Variants in NKAIN2 observed in about 807,000 individuals in gnomAD.
The protein encoded by NKAIN2 is sodium/potassium transporting ATPase interacting 2, also known as sodium/potassium-transporting ATPase subunit beta-1-interacting protein 2.
A neutral mutation model predicts 32.6 loss-of-function variants in NKAIN2; 14 were observed. The ratio of observed to expected loss-of-function variants is 0.43; its 90% CI spans 0.28 to 0.67. NKAIN2 has a LOEUF of 0.67. NKAIN2 is among the 30% of genes least tolerant of loss of function. The pLI, the probability that NKAIN2 is intolerant of heterozygous loss-of-function variation, is 0.17. For missense variants in NKAIN2, 198 were observed against 258.3 expected (o/e 0.77, Z 1.60); for synonymous variants, 80 against 87.2 (o/e 0.92, Z 0.46).
At chr6:124,736,136 A>G (rs1776925985) in intron 4 of NKAIN2, among the ~76,000 whole-genome samples, 1 of 151,942 alleles carries the variant, frequency 6.6e-6, no homozygotes, top group Admixed American at 6.6e-5. Context: ...CATATAAATG[A>G]TAAGAAAGAG....
chr6:123,912,718 T>C (rs1775280684), intron 1 of NKAIN2, among the ~76,000 whole-genome samples: 1 of 152,158 alleles, frequency 6.6e-6, no homozygotes, highest in African/African-American at 2.4e-5. Flanking sequence ...CCTGAGGCCC[T>C]CACCAGAAGT....
chr6:123,843,990 G>C (rs1438241776), intron 1 of NKAIN2, among the ~76,000 whole-genome samples: 1 of 152,160 alleles, frequency 6.6e-6, no homozygotes, highest in Non-Finnish European at 1.5e-5. Context: ...GGGGATTAAT[G>C]ACAAAATGAC....
At chr6:124,317,628 A>G (rs1797016787) in intron 2 of NKAIN2, among the ~76,000 whole-genome samples, 1 of 151,992 alleles carries the variant, frequency 6.6e-6, no homozygotes, top group Non-Finnish European at 1.5e-5. Context: ...TCATTAACTT[A>G]TATACTATTT....
At chr6:124,712,295 G>A (rs563333407) in intron 4 of NKAIN2, among the ~76,000 whole-genome samples, 2 of 124,770 alleles carry the variant, frequency 1.6e-5, no homozygotes, top group South Asian at 5.0e-4. Flanking sequence ...TGCCCCCAGA[G>A]GTGGAGCCTA....
chr6:123,899,843 C>CCT (rs1403306915), intron 1 of NKAIN2, among the ~76,000 whole-genome samples: 2 of 152,164 alleles, frequency 1.3e-5, no homozygotes, highest in Non-Finnish European at 2.9e-5. Context: ...AGGGTGCAGC[C>CCT]CTAGCCTCTG....
rs144893309 is a variant in NKAIN2 at position 124,563,169 on chromosome 6, G to A, written c.274-95017G>A. On this transcript the variant is annotated intron_variant, in intron 3 of 6. Coordinates refer to ENST00000368417, the MANE Select transcript of NKAIN2 (RefSeq NM_001040214.3). ...TCTGCCCCCCTTGGCCTCCCAATGT[G>A]CTGGGATTACAGGCGTGAGCCACTG... 8.7e-3 allele frequency among the ~76,000 whole-genome samples: 1,327 copies of A among 152,160 alleles called. 27 individuals are homozygous for A. Among genetic ancestry groups the A allele is most frequent in the African/African-American group, 0.031 (1,286 of 41,520 alleles).
At chr6:124,503,134 A>C (rs1778357407) in intron 3 of NKAIN2, among the ~76,000 whole-genome samples, 1 of 152,162 alleles carries the variant, frequency 6.6e-6, no homozygotes, top group Admixed American at 6.5e-5. Flanking sequence ...TTCTACACAT[A>C]AATGCTGCAC....
At position 124,167,810 on chromosome 6, in the gene NKAIN2, CT is replaced by C. The variant is rs1001437547; in HGVS notation, c.55-115194del. Among the ~76,000 whole-genome samples the C allele has an allele frequency of 5.8e-4, 88 of 152,208 alleles. 1 individual carries two copies. Among genetic ancestry groups the C allele is most frequent in the Middle Eastern group, 3.4e-3 (1 of 294 alleles). On this transcript the variant is annotated intron_variant, in intron 1 of 6. Coordinates refer to ENST00000368417, the MANE Select transcript of NKAIN2 (RefSeq NM_001040214.3). ...TTTTGTCTTTGGTTCTGTTTGTATG[CT>C]GGATTACATTTATTGATTTGTGTAT...
At chr6:124,075,098 G>T (rs1783633668) in intron 1 of NKAIN2, among the ~76,000 whole-genome samples, 1 of 152,130 alleles carries the variant, frequency 6.6e-6, no homozygotes, top group African/African-American at 2.4e-5. Flanking sequence ...TTAAATTGAG[G>T]CATGTGTTAA....
At chr6:124,698,683 T>G (rs1774621179) in intron 4 of NKAIN2, among the ~76,000 whole-genome samples, 1 of 152,192 alleles carries the variant, frequency 6.6e-6, no homozygotes, top group African/African-American at 2.4e-5. Flanking sequence ...CATCTTAATG[T>G]GATTGTAATT....
intron 3 of NKAIN2, among the ~76,000 whole-genome samples, chr6:124,420,994 A>G (rs1471310499): frequency 6.6e-6 from 1 of 150,412 alleles, no homozygotes; most frequent in East Asian, 2.0e-4. Flanking sequence ...TCCTGTACTC[A>G]TTTCTCATTA....
intron 1 of NKAIN2, among the ~76,000 whole-genome samples, chr6:123,914,441 C>A (rs1223481539): frequency 1.3e-5 from 2 of 152,032 alleles, no homozygotes; most frequent in Admixed American, 6.6e-5. Context: ...TGATACTAAT[C>A]CTATCAGATC....
intron 1 of NKAIN2, among the ~76,000 whole-genome samples, chr6:124,279,950 C>A (rs1450227461): frequency 6.6e-6 from 1 of 152,014 alleles, no homozygotes; most frequent in Non-Finnish European, 1.5e-5. Flanking sequence ...TTTGTGGTAG[C>A]AAAGAATTGA....
intron 4 of NKAIN2, among the ~76,000 whole-genome samples, chr6:124,730,769 A>C (rs1034389657): frequency 1.3e-5 from 2 of 152,016 alleles, no homozygotes; most frequent in African/African-American, 4.8e-5. Context: ...CAGAGTGAAC[A>C]GGCAACCTAC....
In NKAIN2 at chr6:124,824,205, CTT is replaced by C. The variant is rs1479116661; in HGVS notation, c.*979_*980del. On this transcript the variant is annotated 3_prime_UTR_variant, in exon 7 of 7. Transcript: ENST00000368417. ...TGCTTTTATAAGTATCTACAATTGT[CTT>C]TTACTAACACAGAAACAGCTGTGGA... is the stretch of plus-strand genomic sequence containing the variant. The C allele has an allele frequency of 6.6e-6, 1 of 152,582 alleles. No homozygotes were observed. Among genetic ancestry groups the C allele is most frequent in the Non-Finnish European group, 1.5e-5 (1 of 68,022 alleles). The allele number at this position is 152,582 out of a possible 1,614,324, so 9.5% of individuals were successfully genotyped here.
intron 1 of NKAIN2, among the ~76,000 whole-genome samples, chr6:123,809,596 G>T (rs996074680): frequency 5.9e-5 from 9 of 151,948 alleles, no homozygotes; most frequent in African/African-American, 1.9e-4. Flanking sequence ...GCACATGTGC[G>T]CACGTAATAA....
At chr6:124,269,971 A>G (rs1009472825) in intron 1 of NKAIN2, among the ~76,000 whole-genome samples, 3 of 152,142 alleles carry the variant, frequency 2.0e-5, no homozygotes, top group Non-Finnish European at 1.5e-5. Context: ...TTGATTGACA[A>G]TCTCCATATA....
rs142511182 is a variant in NKAIN2, at chr6:123,844,119, G to A, written c.54+39865G>A. 5.3e-5 allele frequency among the ~76,000 whole-genome samples: 8 copies of A among 152,246 alleles called. No homozygotes were observed. In the East Asian group the frequency reaches 9.7e-4, roughly 18 times the overall value. ...AGAGACAGGAGGGCAAGAGAAGGTC[G>A]GAGAAGCTTTGGTTCTCCTTTAATT... On this transcript the variant is annotated intron_variant, in intron 1 of 6. Transcript: ENST00000368417.
intron 1 of NKAIN2, among the ~76,000 whole-genome samples, chr6:124,232,557 C>T (rs562935587): frequency 6.6e-6 from 1 of 152,216 alleles, no homozygotes; most frequent in Non-Finnish European, 1.5e-5. Context: ...AACAGAGGCA[C>T]AATGCAAAAG....
Sources: gnomAD v4.1 joint callset for allele counts (sites outside exome capture counted in the v4.1 genomes callset) on GRCh38, gnomAD v4.1.1 for gene constraint, MANE v1.5 for transcripts, NCBI Gene and HGNC (gene_info 2026-07-23, HGNC 2026-07-21) for gene names.